Variants in FGD4 observed in about 807,000 individuals in gnomAD.
FGD4 encodes the protein FYVE, RhoGEF and PH domain-containing protein 4.
In FGD4, 42 loss-of-function variants were observed where a neutral mutation model predicts 102.0. The observed-to-expected ratio is 0.41, with a 90% CI of 0.32 to 0.53. The LOEUF (loss-of-function observed/expected upper bound fraction) is 0.53, where lower values mean the gene tolerates loss of function less well. FGD4 is among the 20% of genes least tolerant of loss of function. FGD4 has a pLI of 0.21. For synonymous variants in FGD4, 380 were observed against 375.7 expected, an observed-to-expected ratio of 1.01 and a Z score of -0.13; for missense variants, 902 against 1,078.2, an observed-to-expected ratio of 0.84 and a Z score of 2.29.
intron 10 of FGD4, among the ~76,000 whole-genome samples, chr12:32,619,074 G>A (rs566745424): frequency 5.9e-5 from 9 of 152,114 alleles, no homozygotes; most frequent in Non-Finnish European, 1.3e-4. Flanking sequence ...TAAGCTCCTG[G>A]TATATCAAAG....
chr12:32,451,727 C>T (rs1256370919), intron 1 of FGD4, among the ~76,000 whole-genome samples: 4 of 146,684 alleles, frequency 2.7e-5, no homozygotes, highest in African/African-American at 7.6e-5. Flanking sequence ...GCCAACATGG[C>T]GAAACCCCGT....
chr12:32,496,189 A>G (rs1287205274), intron 1 of FGD4, among the ~76,000 whole-genome samples: 1 of 152,202 alleles, frequency 6.6e-6, no homozygotes, highest in African/African-American at 2.4e-5. Context: ...ACCTAAAGCT[A>G]TAGTTGTTTG....
chr12:32,601,832 C>T (rs772729829), intron 6 of FGD4, among the ~76,000 whole-genome samples: 34 of 152,162 alleles, frequency 2.2e-4, no homozygotes, highest in Non-Finnish European at 3.2e-4. Flanking sequence ...ATGTGCCGGG[C>T]GTGGTGGCTC....
At chr12:32,578,243 A>G (rs1370282362) in intron 3 of FGD4, among the ~76,000 whole-genome samples, 1 of 152,200 alleles carries the variant, frequency 6.6e-6, no homozygotes, top group Admixed American at 6.5e-5. Context: ...TGCCGATACA[A>G]AAAACAATGT....
Position 32,559,339 on chromosome 12 carries a change from C to T in FGD4, c.167-4798C>T, listed in dbSNP as rs186279762. 2.6e-5 allele frequency among the ~76,000 whole-genome samples: 4 copies of T among 152,186 alleles called. No homozygotes were observed. In the East Asian group the frequency reaches 7.7e-4, roughly 29 times the overall value. ...ATTTGTTTAACCTATACCAGTGGTCCGTACATTTTTTTCCTGTAAAGGGCC... is the reference window on the plus strand; with the variant it reads ...ATTTGTTTAACCTATACCAGTGGTCTGTACATTTTTTTCCTGTAAAGGGCC... On this transcript the variant is annotated intron_variant, in intron 1 of 16. Transcript: ENST00000534526.
intron 2 of FGD4, among the ~76,000 whole-genome samples, chr12:32,567,510 G>A (rs1284440422): frequency 6.6e-6 from 1 of 151,992 alleles, no homozygotes; most frequent in Non-Finnish European, 1.5e-5. Context: ...GCAGGGTAGG[G>A]CTGTTGCTCT....
rs113434666 is a variant in FGD4, at chr12:32,587,237, G to A, written c.1011+4770G>A. Among the ~76,000 whole-genome samples, 449 of 150,840 alleles carry A rather than the reference G, an allele frequency of 3.0e-3. 2 individuals are homozygous for A. Among genetic ancestry groups the A allele is most frequent in the African/African-American group, 0.01 (422 of 41,020 alleles). On this transcript the variant is annotated intron_variant, in intron 4 of 16. Coordinates refer to ENST00000534526, the MANE Select transcript of FGD4 (RefSeq NM_001370298.3). Reference sequence around the variant, plus strand: ...ATTCTGGAAGCATTACGATTTATTGGTTTAGGCATGAAGGCTTTGGAATGA... The same window carrying A: ...ATTCTGGAAGCATTACGATTTATTGATTTAGGCATGAAGGCTTTGGAATGA...
chr12:32,587,357 T>C (rs2136481115), intron 4 of FGD4, among the ~76,000 whole-genome samples: 1 of 149,602 alleles, frequency 6.7e-6, no homozygotes, highest in Non-Finnish European at 1.5e-5. Flanking sequence ...TAATGGCTAT[T>C]GCTTATTTTT....
At chr12:32,422,037 G>C (rs960160908) in intron 1 of FGD4, among the ~76,000 whole-genome samples, 1 of 151,108 alleles carries the variant, frequency 6.6e-6, no homozygotes, top group Non-Finnish European at 1.5e-5. Flanking sequence ...CCAGCTACTC[G>C]GGAGGCTGAG....
At chr12:32,536,865 C>G (rs1942313565) in intron 1 of FGD4, among the ~76,000 whole-genome samples, 1 of 152,052 alleles carries the variant, frequency 6.6e-6, no homozygotes, top group South Asian at 2.1e-4. Flanking sequence ...GACTGTGTCA[C>G]TGTGGTCTTG....
intron 1 of FGD4, among the ~76,000 whole-genome samples, chr12:32,455,906 A>T (rs973338488): frequency 1.3e-5 from 2 of 152,284 alleles, no homozygotes; most frequent in African/African-American, 4.8e-5. Flanking sequence ...CTTTGTGAAT[A>T]CTTAAAAAGC....
intron 5 of FGD4, 97 bp downstream of exon 5, chr12:32,598,683 C>T (rs981032238): frequency 5.8e-6 from 6 of 1,040,492 alleles, no homozygotes; most frequent in African/African-American, 3.2e-5. Context: ...GAAGGAAGGG[C>T]CTGTTTTTGG....
chr12:32,579,508 C>T (rs1946423417), intron 3 of FGD4: 1 of 152,262 alleles, frequency 6.6e-6, no homozygotes, highest in Non-Finnish European at 1.5e-5. Flanking sequence ...CCTACTCATA[C>T]CCTTGATATC....
chr12:32,539,951 T>TA (rs1394293158), intron 1 of FGD4, among the ~76,000 whole-genome samples: 7 of 152,348 alleles, frequency 4.6e-5, no homozygotes, highest in African/African-American at 1.4e-4. Context: ...TTATTAGAAA[T>TA]ATCATGTTTT....
intron 1 of FGD4, among the ~76,000 whole-genome samples, chr12:32,471,047 C>T (rs532394392): frequency 6.6e-6 from 1 of 152,282 alleles, no homozygotes; most frequent in East Asian, 1.9e-4. Flanking sequence ...GTTTCTCTTT[C>T]TCTGTCTTTC....
intron 1 of FGD4, among the ~76,000 whole-genome samples, chr12:32,442,042 TG>T (rs766808079): frequency 1.2e-3 from 132 of 114,140 alleles, no homozygotes; most frequent in African/African-American, 4.4e-3. Context: ...AGTGTTGTTG[TG>T]TTTTTTTTTT....
chr12:32,579,081 T>C (rs1946385983), intron 3 of FGD4, among the ~76,000 whole-genome samples: 1 of 143,258 alleles, frequency 7.0e-6, no homozygotes, highest in Non-Finnish European at 1.5e-5. Flanking sequence ...AGTTTTGCTC[T>C]TGTTGCCCAG....
At position 32,638,983 on chromosome 12, in the gene FGD4, T is replaced by G. The variant is rs1951009054; in HGVS notation, c.2454+188T>G. 2.8e-6 allele frequency: 4 copies of G among 1,431,908 alleles called. No individual in the cohort carries two copies. The Middle Eastern group carries it at 6.6e-4, about 235-fold the overall frequency. The allele number at this position is 1,431,908 out of a possible 1,614,324, so 88.7% of individuals were successfully genotyped here. On this transcript the variant is annotated intron_variant, in intron 16 of 16. Transcript: ENST00000534526. ...TTGATTCATTTTATAGCCTATATTT[T>G]CTTCAGTTTGTGGATCATCTGTCCC...
chr12:32,534,435 A>G, intron 1 of FGD4: 1 of 1,526,360 alleles, frequency 6.6e-7, no homozygotes, highest in Non-Finnish European at 8.8e-7. Context: ...AAAGCCAAAT[A>G]TCTTTTTATT....
Sources: allele counts gnomAD v4.1 joint callset (sites outside exome capture counted in the v4.1 genomes callset), GRCh38; gene constraint gnomAD v4.1.1; transcripts MANE v1.5; gene names NCBI Gene and HGNC (gene_info 2026-07-23, HGNC 2026-07-21).